The following TMEM132B variants were observed in gnomAD, a reference collection of about 807,000 sequenced individuals.
The protein encoded by TMEM132B is transmembrane protein 132B.
Under a neutral mutation model 90.8 loss-of-function variants are expected in TMEM132B, and 18 were observed. The ratio of observed to expected loss-of-function variants is 0.20; its 90% CI spans 0.14 to 0.29. TMEM132B has a LOEUF of 0.29. Ranked by LOEUF, TMEM132B falls within the 10% of genes least tolerant of loss-of-function variation. The pLI is 1.00. For synonymous variants in TMEM132B, 504 were observed against 523.3 expected (o/e 0.96, Z 0.50); for missense variants, 1,096 against 1,326.8 (o/e 0.83, Z 2.70).
At chr12:125,478,783 A>G (rs1881959658) in intron 3 of TMEM132B, among the ~76,000 whole-genome samples, 1 of 152,210 alleles carries the variant, frequency 6.6e-6, no homozygotes, top group Non-Finnish European at 1.5e-5. Context: ...ACTCCTTGAG[A>G]AGAGCAACCC....
chr12:125,527,481 C>G (rs1883517471), intron 4 of TMEM132B, among the ~76,000 whole-genome samples: 1 of 147,410 alleles, frequency 6.8e-6, no homozygotes, highest in East Asian at 2.1e-4. Flanking sequence ...TCCACCCATC[C>G]ACCCTTCCAA....
intron 1 of TMEM132B, among the ~76,000 whole-genome samples, chr12:125,269,691 CTA>C (rs1267372733): frequency 6.6e-6 from 1 of 152,162 alleles, no homozygotes; most frequent in Non-Finnish European, 1.5e-5. Flanking sequence ...CACTTAAATC[CTA>C]TGTGTTAGGT....
At chr12:125,306,700 GCCT>G (rs1875977908) in intron 1 of TMEM132B, among the ~76,000 whole-genome samples, 1 of 152,172 alleles carries the variant, frequency 6.6e-6, no homozygotes, top group Non-Finnish European at 1.5e-5. Flanking sequence ...CATTGCAGTG[GCCT>G]CCTCCTTTGT....
chr12:125,487,203 AT>A (rs969215616), intron 3 of TMEM132B, among the ~76,000 whole-genome samples: 3 of 152,204 alleles, frequency 2.0e-5, no homozygotes, highest in Non-Finnish European at 2.9e-5. Flanking sequence ...CAAAAAGGTT[AT>A]TTCTTCCTTA....
At chr12:125,650,249 A>G (rs1315972261) in intron 6 of TMEM132B, among the ~76,000 whole-genome samples, 1 of 152,020 alleles carries the variant, frequency 6.6e-6, no homozygotes, top group Admixed American at 6.5e-5. Context: ...AGCTGTTCCT[A>G]TGTTCATTTC....
At chr12:125,489,915 C>T (rs1011748086) in intron 3 of TMEM132B, among the ~76,000 whole-genome samples, 1 of 152,174 alleles carries the variant, frequency 6.6e-6, no homozygotes, top group Non-Finnish European at 1.5e-5. Context: ...TACATAAAAA[C>T]TTCTAAGAAT....
rs753323504 is a variant in TMEM132B, at chr12:125,644,204, C to A, written c.1566C>A (p.Leu522=). 6.2e-6 allele frequency: 10 copies of A among 1,614,068 alleles called. No homozygotes were observed. The Admixed American group carries it at 1.3e-4, about 22-fold the overall frequency. The change falls in exon 6 of 9, where the codon CTC becomes CTA. Residue 522 remains leucine (L), a synonymous_variant. Transcript: ENST00000682704. ...AGGTCACTGTCTGGGCACCCAGGCT[C>A]CCCCTGCAGATTGAGATCTCAGACA... The part of the protein sequence containing the change: ...QFEVTVWAPR[L]PLQIEISDTE...
At chr12:125,610,755 A>G (rs1169902751) in intron 5 of TMEM132B, among the ~76,000 whole-genome samples, 1 of 152,150 alleles carries the variant, frequency 6.6e-6, no homozygotes, top group Non-Finnish European at 1.5e-5. Context: ...AAAAAAATAA[A>G]TATATGAAGC....
At chr12:125,574,526 ACT>A (rs2136839458) in intron 4 of TMEM132B, among the ~76,000 whole-genome samples, 1 of 152,098 alleles carries the variant, frequency 6.6e-6, no homozygotes, top group Non-Finnish European at 1.5e-5. Flanking sequence ...GATTCAACTG[ACT>A]CTACGGATTA....
chr12:125,273,957 C>G (rs578165690), intron 1 of TMEM132B, among the ~76,000 whole-genome samples: 1 of 152,326 alleles, frequency 6.6e-6, no homozygotes, highest in South Asian at 2.1e-4. Context: ...AGCCAGTGTG[C>G]CTGGACTCTC....
intron 1 of TMEM132B, among the ~76,000 whole-genome samples, chr12:125,201,139 A>G (rs1873048634): frequency 2.0e-5 from 3 of 152,086 alleles, no homozygotes; most frequent in Admixed American, 2.0e-4. Context: ...TCTCTCTTAA[A>G]TGTATGGGCT....
chr12:125,351,255 A>G (rs1004964440), intron 2 of TMEM132B, among the ~76,000 whole-genome samples: 4 of 152,354 alleles, frequency 2.6e-5, no homozygotes, highest in Non-Finnish European at 5.9e-5. Context: ...CTGGGTTCCA[A>G]TAAAACTTTA....
intron 4 of TMEM132B, among the ~76,000 whole-genome samples, chr12:125,554,372 C>T (rs1884315229): frequency 2.1e-5 from 3 of 143,228 alleles, no homozygotes; most frequent in Non-Finnish European, 4.5e-5. Context: ...TTACAGTGAG[C>T]CGAGATAGTG....
chr12:125,634,778 G>A (rs1314793860), intron 5 of TMEM132B, among the ~76,000 whole-genome samples: 5 of 152,166 alleles, frequency 3.3e-5, no homozygotes, highest in African/African-American at 1.2e-4. Flanking sequence ...ATTCTGTTGT[G>A]TCTGAGTTGC....
chr12:125,514,826 G>A (rs530230048), intron 3 of TMEM132B, among the ~76,000 whole-genome samples: 4 of 152,180 alleles, frequency 2.6e-5, no homozygotes, highest in East Asian at 1.9e-4. Flanking sequence ...TGTGGTCCTG[G>A]GGACACACTG....
At chr12:125,648,968 A>G (rs1190476275) in intron 6 of TMEM132B, among the ~76,000 whole-genome samples, 6 of 152,222 alleles carry the variant, frequency 3.9e-5, no homozygotes, top group Non-Finnish European at 8.8e-5. Context: ...AAGACATCCT[A>G]GCACAGAACA....
At chr12:125,567,352 T>A (rs909036538) in intron 4 of TMEM132B, among the ~76,000 whole-genome samples, 1 of 152,164 alleles carries the variant, frequency 6.6e-6, no homozygotes, top group African/African-American at 2.4e-5. Context: ...TCTTTCTCTC[T>A]CTTTAGGACC....
Position 125,296,589 on chromosome 12 carries a change from G to C in TMEM132B, c.68-52863G>C, listed in dbSNP as rs539867942. ...AATCTACTTGCTCTGTTTATGATTT[G>C]CTGTTGGTCTCCCCCAACAAGAACA... On this transcript the variant is annotated intron_variant, in intron 1 of 8. Coordinates refer to ENST00000682704, the MANE Select transcript of TMEM132B (RefSeq NM_001366854.1). Among the ~76,000 whole-genome samples the C allele has an allele frequency of 3.9e-5, 6 of 152,266 alleles. No homozygotes were observed. In the South Asian group the frequency reaches 1.2e-3, roughly 32 times the overall value.
chr12:125,513,230 A>G (rs1056018271), intron 3 of TMEM132B, among the ~76,000 whole-genome samples: 1 of 152,188 alleles, frequency 6.6e-6, no homozygotes, highest in African/African-American at 2.4e-5. Flanking sequence ...TCATTCATTC[A>G]ACAGATGTCT....
Sources: gnomAD v4.1 joint callset for allele counts (sites outside exome capture counted in the v4.1 genomes callset) on GRCh38, gnomAD v4.1.1 for gene constraint, MANE v1.5 for transcripts, NCBI Gene and HGNC (gene_info 2026-07-23, HGNC 2026-07-21) for gene names.